UMAD1: variants seen among roughly 807,000 people sequenced by gnomAD.
The protein encoded by UMAD1 is UBAP1-MVB12-associated (UMA) domain containing 1.
In UMAD1, 8 loss-of-function variants were observed where a neutral mutation model predicts 6.1. That is an observed-to-expected ratio of 1.30 (90% CI 0.76 to 2.35). UMAD1 has a LOEUF of 2.35. Ranked by LOEUF, UMAD1 falls within the 30% of genes most tolerant of loss-of-function variation. UMAD1 has a pLI of 0.00. For missense variants in UMAD1, 130 were observed against 78.4 expected, an observed-to-expected ratio of 1.66 and a Z score of -2.49; for synonymous variants, 56 against 31.4, an observed-to-expected ratio of 1.78 and a Z score of -2.61.
chr7:7,736,757 A>T (rs149768170), intron 2 of UMAD1: 2 of 152,232 alleles, frequency 1.3e-5, no homozygotes, highest in African/African-American at 2.4e-5. Context: ...CAACAGACTC[A>T]TTGGTCCATG....
At chr7:7,874,482 C>T (rs1375685819) in intron 3 of UMAD1, among the ~76,000 whole-genome samples, 6 of 152,112 alleles carry the variant, frequency 3.9e-5, no homozygotes, top group African/African-American at 1.4e-4. Context: ...GTAAAAGAAG[C>T]CAGAAGCAAG....
intron 3 of UMAD1, among the ~76,000 whole-genome samples, chr7:7,857,652 A>G (rs1460514792): frequency 1.3e-5 from 2 of 152,258 alleles, no homozygotes; most frequent in East Asian, 1.9e-4. Context: ...TGTATTATTC[A>G]GGGATCACAA....
At chr7:7,644,325 A>G (rs183545160) in intron 1 of UMAD1, among the ~76,000 whole-genome samples, 21 of 145,348 alleles carry the variant, frequency 1.4e-4, no homozygotes, top group Admixed American at 4.8e-4. Context: ...TTTTTGGCCT[A>G]TCTTTCCGTT....
chr7:7,793,072 T>C (rs1782600745), intron 2 of UMAD1, among the ~76,000 whole-genome samples: 1 of 152,252 alleles, frequency 6.6e-6, no homozygotes. Flanking sequence ...GATTCTCTGA[T>C]GCTGAACGAG....
intron 1 of UMAD1, among the ~76,000 whole-genome samples, chr7:7,664,256 T>A (rs1583708216): frequency 6.6e-6 from 1 of 152,160 alleles, no homozygotes; most frequent in South Asian, 2.1e-4. Flanking sequence ...TTTCTGTACA[T>A]CCCTTCTTTT....
chr7:7,871,976 A>G lies in UMAD1; in HGVS notation c.157-5305A>G, dbSNP rs989021280. 2.0e-5 allele frequency among the ~76,000 whole-genome samples: 3 copies of G among 152,072 alleles called. No individual in the cohort carries two copies. In the East Asian group the frequency reaches 5.8e-4, roughly 29 times the overall value. ...CTGCTGGGGAGTCCTTGCCACACTC[A>G]GTCTCCCACCACATCAAGAATCTCC... On this transcript the variant is annotated intron_variant, in intron 3 of 3. Coordinates refer to ENST00000682710, the MANE Select transcript of UMAD1 (RefSeq NM_001302348.2).
intron 3 of UMAD1, among the ~76,000 whole-genome samples, chr7:7,804,785 T>C (rs191881696): frequency 0.011 from 1,694 of 152,066 alleles, 32 homozygotes; most frequent in African/African-American, 0.038. Context: ...ATCAAGACCA[T>C]TCTGGCTAAC....
intron 3 of UMAD1, among the ~76,000 whole-genome samples, chr7:7,875,897 T>C: frequency 6.6e-6 from 1 of 151,902 alleles, no homozygotes; most frequent in East Asian, 1.9e-4. Context: ...GGCAACATAG[T>C]GAAATCCTGT....
chr7:7,731,493 A>ACCC (rs1563162353), intron 2 of UMAD1, among the ~76,000 whole-genome samples: 11 of 125,110 alleles, frequency 8.8e-5, no homozygotes, highest in African/African-American at 3.1e-4. Context: ...CCCCCCCCCA[A>ACCC]AAAAAAAACA....
chr7:7,681,750 G>C (rs189168999), intron 2 of UMAD1, among the ~76,000 whole-genome samples: 5 of 151,884 alleles, frequency 3.3e-5, no homozygotes, highest in Non-Finnish European at 5.9e-5. Context: ...TAATTACCAG[G>C]GTTTTCTCCT....
chr7:7,821,747 A>G (rs1783244835), intron 3 of UMAD1, among the ~76,000 whole-genome samples: 1 of 152,146 alleles, frequency 6.6e-6, no homozygotes, highest in Non-Finnish European at 1.5e-5. Flanking sequence ...TGTGCAGCCA[A>G]ATGAGTGAAC....
intron 1 of UMAD1, among the ~76,000 whole-genome samples, chr7:7,656,244 T>C (rs946965390): frequency 2.6e-5 from 4 of 151,984 alleles, no homozygotes; most frequent in Non-Finnish European, 4.4e-5. Flanking sequence ...GAAATACGAG[T>C]TGAAGGAGAA....
intron 2 of UMAD1, among the ~76,000 whole-genome samples, chr7:7,677,664 GTTTTTTTTTTT>G (rs141602455): frequency 2.6e-5 from 3 of 113,498 alleles, no homozygotes; most frequent in African/African-American, 7.1e-5. Context: ...CTGTTTTTTT[GTTTTTTTTTTT>G]TTTTTTTTTT....
chr7:7,677,915 C>T lies in UMAD1; in HGVS notation c.82+4462C>T, dbSNP rs952262799. 1.6e-4 allele frequency among the ~76,000 whole-genome samples: 24 copies of T among 151,722 alleles called. No homozygotes were observed. The East Asian group carries it at 1.7e-3, about 11-fold the overall frequency. On this transcript the variant is annotated intron_variant, in intron 2 of 3. Transcript: ENST00000682710. ...GTCTCGATCTCCTGACCTCGTGATC[C>T]GCCCGCCTCGGCCTCCCAAAGTGCT...
At chr7:7,717,084 T>TCTTG (rs1780932634) in intron 2 of UMAD1, among the ~76,000 whole-genome samples, 1 of 146,866 alleles carries the variant, frequency 6.8e-6, no homozygotes, top group Admixed American at 6.8e-5. Flanking sequence ...TGAGACGGAG[T>TCTTG]CTTGGTCTGT....
intron 2 of UMAD1, among the ~76,000 whole-genome samples, chr7:7,738,134 CA>C (rs1363181648): frequency 6.6e-6 from 1 of 152,072 alleles, no homozygotes; most frequent in African/African-American, 2.4e-5. Flanking sequence ...GAATATTAAA[CA>C]GTAGTTATTA....
intron 3 of UMAD1, among the ~76,000 whole-genome samples, chr7:7,865,803 T>C: frequency 6.6e-6 from 1 of 152,168 alleles, no homozygotes; most frequent in Non-Finnish European, 1.5e-5. Context: ...GGCAGGTTGG[T>C]TAAGGGGACT....
chr7:7,644,917 C>G (rs4720746), intron 1 of UMAD1, among the ~76,000 whole-genome samples: 98,547 of 152,062 alleles, frequency 0.65, 32,301 homozygotes, highest in East Asian at 0.88. Flanking sequence ...AAAAGTAACA[C>G]CTGAATGTCA....
intron 2 of UMAD1, among the ~76,000 whole-genome samples, chr7:7,714,551 A>G (rs1025090104): frequency 4.6e-5 from 7 of 152,244 alleles, no homozygotes; most frequent in African/African-American, 7.2e-5. Context: ...GGTGTGGGTG[A>G]GATGACTTAG....
Sources: allele counts gnomAD v4.1 joint callset (sites outside exome capture counted in the v4.1 genomes callset), GRCh38; gene constraint gnomAD v4.1.1; transcripts MANE v1.5; gene names NCBI Gene and HGNC (gene_info 2026-07-23, HGNC 2026-07-21).